The following ZDHHC14 variants were observed in gnomAD, a reference collection of about 807,000 sequenced individuals.
ZDHHC14 encodes the protein palmitoyltransferase ZDHHC14.
ZDHHC14 carries 16 observed loss-of-function variants against 47.7 expected under a neutral mutation model. That is an observed-to-expected ratio of 0.34 (90% confidence interval 0.23 to 0.51). The LOEUF (loss-of-function observed/expected upper bound fraction) is 0.51. Ranked by LOEUF, ZDHHC14 falls within the 20% of genes least tolerant of loss-of-function variation. The pLI is 0.97. For missense variants in ZDHHC14, 515 were observed against 662.5 expected, an observed-to-expected ratio of 0.78 and a Z score of 2.44; for synonymous variants, 293 against 278.9, an observed-to-expected ratio of 1.05 and a Z score of -0.50.
chr6:157,535,181 C>G (rs976062309), intron 1 of ZDHHC14, among the ~76,000 whole-genome samples: 16 of 152,182 alleles, frequency 1.1e-4, no homozygotes, highest in Non-Finnish European at 1.6e-4. Flanking sequence ...GTCTCCCCTC[C>G]TCCGCTCTCT....
At chr6:157,597,993 C>T (rs1231026767) in intron 3 of ZDHHC14, among the ~76,000 whole-genome samples, 1 of 152,214 alleles carries the variant, frequency 6.6e-6, no homozygotes, top group Non-Finnish European at 1.5e-5. Context: ...TTTGGCTGTG[C>T]TCTTCCTCTC....
intron 1 of ZDHHC14, among the ~76,000 whole-genome samples, chr6:157,474,864 C>G (rs1428860668): frequency 6.6e-6 from 1 of 152,126 alleles, no homozygotes; most frequent in Non-Finnish European, 1.5e-5. Context: ...TCTCTTCACT[C>G]TATTGATTGT....
At chr6:157,388,117 T>C (rs896171591) in intron 1 of ZDHHC14, among the ~76,000 whole-genome samples, 2 of 152,210 alleles carry the variant, frequency 1.3e-5, no homozygotes, top group Admixed American at 6.5e-5. Context: ...CTAAATGCTT[T>C]AAGCAAATAA....
intron 2 of ZDHHC14, among the ~76,000 whole-genome samples, chr6:157,547,241 TC>T (rs1306797031): frequency 6.6e-6 from 1 of 152,198 alleles, no homozygotes; most frequent in Non-Finnish European, 1.5e-5. Context: ...TCCCTCCTTC[TC>T]CCCTATCTTC....
At chr6:157,403,594 T>C (rs1436068691) in intron 1 of ZDHHC14, among the ~76,000 whole-genome samples, 2 of 152,220 alleles carry the variant, frequency 1.3e-5, no homozygotes, top group Non-Finnish European at 2.9e-5. Flanking sequence ...TCTGTCTTCA[T>C]TTGTCACATT....
intron 1 of ZDHHC14, among the ~76,000 whole-genome samples, chr6:157,467,522 T>G (rs1779248722): frequency 7.7e-6 from 1 of 130,436 alleles, no homozygotes; most frequent in Non-Finnish European, 1.8e-5. Context: ...TCATTTTATT[T>G]ATTTATTTAT....
At chr6:157,442,392 A>G (rs1778577654) in intron 1 of ZDHHC14, among the ~76,000 whole-genome samples, 1 of 152,198 alleles carries the variant, frequency 6.6e-6, no homozygotes, top group South Asian at 2.1e-4. Flanking sequence ...AAAAAACCCA[A>G]ACCAAAACAA....
At chr6:157,477,154 G>T (rs1779507665) in intron 1 of ZDHHC14, among the ~76,000 whole-genome samples, 1 of 152,200 alleles carries the variant, frequency 6.6e-6, no homozygotes, top group Non-Finnish European at 1.5e-5. Context: ...GCTGAGGGGG[G>T]TGGTCACCTG....
chr6:157,450,713 A>G (rs1173729374), intron 1 of ZDHHC14, among the ~76,000 whole-genome samples: 1 of 152,190 alleles, frequency 6.6e-6, no homozygotes, highest in East Asian at 1.9e-4. Flanking sequence ...ATGCATCTTG[A>G]GAATTGGATT....
intron 1 of ZDHHC14, among the ~76,000 whole-genome samples, chr6:157,473,816 AAGG>A (rs1779412377): frequency 5.3e-5 from 8 of 152,274 alleles, no homozygotes; most frequent in Admixed American, 5.2e-4. Flanking sequence ...CTACATGTGT[AAGG>A]TGTGTATGAA....
intron 1 of ZDHHC14, among the ~76,000 whole-genome samples, chr6:157,485,012 G>A (rs1014344564): frequency 3.3e-5 from 5 of 152,162 alleles, no homozygotes; most frequent in Non-Finnish European, 5.9e-5. Flanking sequence ...CAGGAGAAGC[G>A]CTTGAACCTG....
intron 1 of ZDHHC14, among the ~76,000 whole-genome samples, chr6:157,405,569 C>T (rs1777738930): frequency 6.6e-6 from 1 of 152,056 alleles, no homozygotes; most frequent in Non-Finnish European, 1.5e-5. Context: ...ATTCTTTCCT[C>T]TTAAAGTCTG....
chr6:157,667,101 A>G (rs1031976757), intron 8 of ZDHHC14, among the ~76,000 whole-genome samples: 4 of 152,250 alleles, frequency 2.6e-5, no homozygotes, highest in African/African-American at 9.6e-5. Flanking sequence ...TGGTAATGTC[A>G]TATGATTCAA....
intron 1 of ZDHHC14, among the ~76,000 whole-genome samples, chr6:157,451,619 G>A (rs1183163245): frequency 3.0e-4 from 46 of 152,194 alleles, no homozygotes; most frequent in Non-Finnish European, 8.8e-5. Flanking sequence ...GGAGGGCAGT[G>A]GCGCAATATC....
chr6:157,512,441 C>G (rs1180666034), intron 1 of ZDHHC14, among the ~76,000 whole-genome samples: 1 of 152,236 alleles, frequency 6.6e-6, no homozygotes, highest in Non-Finnish European at 1.5e-5. Flanking sequence ...AAAGACAGAG[C>G]CACGTTCTGC....
intron 3 of ZDHHC14, among the ~76,000 whole-genome samples, chr6:157,626,442 A>G (rs1161788678): frequency 2.6e-5 from 4 of 152,204 alleles, no homozygotes; most frequent in Non-Finnish European, 5.9e-5. Flanking sequence ...TAGATTTCTC[A>G]TGATACAGAC....
intron 1 of ZDHHC14, among the ~76,000 whole-genome samples, chr6:157,454,362 T>G (rs755530856): frequency 1.3e-5 from 2 of 152,158 alleles, no homozygotes; most frequent in Admixed American, 6.5e-5. Flanking sequence ...CCCTGTTATC[T>G]CTCTACTTTA....
intron 1 of ZDHHC14, among the ~76,000 whole-genome samples, chr6:157,400,644 C>G (rs1298136137): frequency 6.6e-6 from 1 of 152,202 alleles, no homozygotes; most frequent in Non-Finnish European, 1.5e-5. Context: ...CCCCTGAGTC[C>G]CTCGCTGCTG....
chr6:157,665,865 A>G (rs1209050598), intron 8 of ZDHHC14, among the ~76,000 whole-genome samples: 1 of 152,194 alleles, frequency 6.6e-6, no homozygotes, highest in African/African-American at 2.4e-5. Context: ...ACAATGTGAC[A>G]TCTAAAGCAA....
Sources: gnomAD v4.1 joint callset for allele counts (sites outside exome capture counted in the v4.1 genomes callset) on GRCh38, gnomAD v4.1.1 for gene constraint, MANE v1.5 for transcripts, NCBI Gene and HGNC (gene_info 2026-07-23, HGNC 2026-07-21) for gene names.